LDLRAD4: variants seen among roughly 807,000 people sequenced by gnomAD.
The protein encoded by LDLRAD4 is low density lipoprotein receptor class A domain containing 4.
In LDLRAD4, 5 loss-of-function variants were observed where a neutral mutation model predicts 17.0. The ratio of observed to expected loss-of-function variants is 0.29; its 90% confidence interval spans 0.15 to 0.62. The LOEUF (loss-of-function observed/expected upper bound fraction) is 0.62, where lower values mean the gene tolerates loss of function less well. Ranked by LOEUF, LDLRAD4 falls within the 20% of genes least tolerant of loss-of-function variation. The pLI is 0.84. For missense variants in LDLRAD4, 340 were observed against 424.7 expected (o/e 0.80, Z 1.75); for synonymous variants, 168 against 171.8 (o/e 0.98, Z 0.17).
chr18:13,325,346 G>A (rs2081461429), intron 1 of LDLRAD4, among the ~76,000 whole-genome samples: 1 of 152,184 alleles, frequency 6.6e-6, no homozygotes, highest in Admixed American at 6.5e-5. Context: ...CAAGGAAGAC[G>A]CAGAGTAGGA....
intron 2 of LDLRAD4, among the ~76,000 whole-genome samples, chr18:13,406,176 A>C (rs1489683550): frequency 6.6e-6 from 1 of 152,162 alleles, no homozygotes; most frequent in East Asian, 1.9e-4. Context: ...CCTGGGGAGC[A>C]CTGTCCTGGA....
At chr18:13,288,049 C>A (rs1174105154) in intron 1 of LDLRAD4, among the ~76,000 whole-genome samples, 2 of 152,168 alleles carry the variant, frequency 1.3e-5, no homozygotes, top group Non-Finnish European at 2.9e-5. Context: ...TCACTCTATT[C>A]CGTGAAGAAG....
intron 3 of LDLRAD4, among the ~76,000 whole-genome samples, chr18:13,539,579 A>G (rs1311447742): frequency 6.6e-6 from 1 of 152,004 alleles, no homozygotes; most frequent in Non-Finnish European, 1.5e-5. Context: ...ATCTGACTCC[A>G]TGCACCTATT....
intron 1 of LDLRAD4, among the ~76,000 whole-genome samples, chr18:13,350,511 G>C (rs1201609284): frequency 1.3e-5 from 2 of 152,126 alleles, no homozygotes; most frequent in African/African-American, 4.8e-5. Context: ...TTGTACATTT[G>C]TTTAAGTTCC....
intron 3 of LDLRAD4, among the ~76,000 whole-genome samples, chr18:13,532,349 G>A (rs1046300525): frequency 2.6e-5 from 4 of 152,262 alleles, no homozygotes; most frequent in African/African-American, 7.2e-5. Flanking sequence ...GGTAGTATTC[G>A]GCCTGGATGA....
intron 3 of LDLRAD4, among the ~76,000 whole-genome samples, chr18:13,586,061 T>A (rs1601558218): frequency 6.6e-6 from 1 of 152,054 alleles, no homozygotes; most frequent in East Asian, 1.9e-4. Context: ...TATGGCAGAC[T>A]CCTTGAGGCT....
intron 1 of LDLRAD4, among the ~76,000 whole-genome samples, chr18:13,266,951 T>A (rs767639513): frequency 6.6e-6 from 1 of 152,264 alleles, no homozygotes; most frequent in African/African-American, 2.4e-5. Context: ...AGGCTAGATC[T>A]CCTTTCATGT....
chr18:13,547,998 G>A (rs949593558), intron 3 of LDLRAD4, among the ~76,000 whole-genome samples: 2 of 152,214 alleles, frequency 1.3e-5, no homozygotes, highest in Non-Finnish European at 2.9e-5. Context: ...GGGTGAGCAA[G>A]TCAAAGAGGT....
intron 3 of LDLRAD4, among the ~76,000 whole-genome samples, chr18:13,568,757 C>G (rs2094642023): frequency 6.6e-6 from 1 of 152,180 alleles, no homozygotes; most frequent in South Asian, 2.1e-4. Flanking sequence ...GTAGACAGAC[C>G]CCGTGGTTAG....
chr18:13,387,912 G>T, intron 2 of LDLRAD4, 150 bp downstream of exon 3: 1 of 662,422 alleles, frequency 1.5e-6, no homozygotes, highest in Non-Finnish European at 2.7e-6. Flanking sequence ...GACTGATTCT[G>T]ACAAAATAAT....
At chr18:13,560,161 A>T (rs1048610353) in intron 3 of LDLRAD4, among the ~76,000 whole-genome samples, 1 of 152,122 alleles carries the variant, frequency 6.6e-6, no homozygotes, top group African/African-American at 2.4e-5. Context: ...TATAGAAACC[A>T]TGGAATTATT....
chr18:13,450,828 G>C (rs932703019), intron 3 of LDLRAD4, among the ~76,000 whole-genome samples: 2 of 152,196 alleles, frequency 1.3e-5, no homozygotes, highest in Non-Finnish European at 2.9e-5. Flanking sequence ...GGGGAGTGTC[G>C]TGGGGAGACG....
At chr18:13,434,769 G>GT (rs1322544642) in intron 2 of LDLRAD4, among the ~76,000 whole-genome samples, 2 of 152,188 alleles carry the variant, frequency 1.3e-5, no homozygotes, top group Admixed American at 6.5e-5. Context: ...TTAAGAGATT[G>GT]TATTTTAGTT....
rs542006668 is a variant in LDLRAD4 at position 13,234,708 on chromosome 18, G to A, written c.-467+15720G>A. Reference sequence around the variant, plus strand: ...GTATGAGCAGCAGTGAGAGAGATGAGCCGGGGAGGCTGAGCACCTTCCATG... The same window carrying A: ...GTATGAGCAGCAGTGAGAGAGATGAACCGGGGAGGCTGAGCACCTTCCATG... On this transcript the variant is annotated intron_variant, in intron 1 of 5. Transcript: ENST00000399848. 5.3e-4 allele frequency among the ~76,000 whole-genome samples: 81 copies of A among 152,298 alleles called. 1 individual carries two copies. Among genetic ancestry groups the A allele is most frequent in the East Asian group, 3.9e-3 (20 of 5,184 alleles).
chr18:13,417,889 C>A (rs1314827687), intron 2 of LDLRAD4, among the ~76,000 whole-genome samples: 3 of 152,030 alleles, frequency 2.0e-5, no homozygotes, highest in African/African-American at 7.2e-5. Flanking sequence ...TATCTACCTT[C>A]TTTGCTATAT....
chr18:13,459,284 G>A (rs1467644806), intron 3 of LDLRAD4, among the ~76,000 whole-genome samples: 2 of 151,602 alleles, frequency 1.3e-5, no homozygotes, highest in Non-Finnish European at 2.9e-5. Flanking sequence ...GTTACAGTGA[G>A]CTATGATTGT....
chr18:13,648,804 C>A (rs1208959230), exon 6 of LDLRAD4: 1 of 152,084 alleles, frequency 6.6e-6, no homozygotes, highest in Non-Finnish European at 1.5e-5. Context: ...TCCCTTGTTC[C>A]CGGTGTAGGA....
intron 3 of LDLRAD4, among the ~76,000 whole-genome samples, chr18:13,495,309 G>A (rs972655287): frequency 2.6e-5 from 4 of 152,186 alleles, no homozygotes; most frequent in African/African-American, 9.7e-5. Context: ...AGGGCTCTGA[G>A]AAAGGAACAG....
At chr18:13,417,537 A>G (rs1289065098) in intron 2 of LDLRAD4, among the ~76,000 whole-genome samples, 1 of 149,894 alleles carries the variant, frequency 6.7e-6, no homozygotes, top group Non-Finnish European at 1.5e-5. Context: ...GGTTCACGCC[A>G]TTCTCCTGCC....
Sources: gnomAD v4.1 joint callset for allele counts (sites outside exome capture counted in the v4.1 genomes callset) on GRCh38, gnomAD v4.1.1 for gene constraint, MANE v1.5 for transcripts, NCBI Gene and HGNC (gene_info 2026-07-23, HGNC 2026-07-21) for gene names.